The following OTOP1 variants were observed in gnomAD, a reference collection of about 807,000 sequenced individuals.
OTOP1 encodes the protein proton channel OTOP1.
OTOP1 carries 59 observed loss-of-function variants against 52.9 expected under a neutral mutation model. The ratio of observed to expected loss-of-function variants is 1.12; its 90% CI spans 0.91 to 1.39. The LOEUF is 1.39. Among genes scored for constraint, OTOP1 ranks in the 40% most tolerant of loss-of-function variants. The pLI is 0.00. For missense variants in OTOP1, 761 were observed against 800.9 expected (o/e 0.95, Z 0.60); for synonymous variants, 317 against 337.7 (o/e 0.94, Z 0.67).
At chr4:4,200,576 T>C (rs1716761757) in intron 4 of OTOP1, among the ~76,000 whole-genome samples, 1 of 151,394 alleles carries the variant, frequency 6.6e-6, no homozygotes, top group South Asian at 2.1e-4. Flanking sequence ...CTTTTTTATA[T>C]AGGGTCTCCC....
intron 4 of OTOP1, among the ~76,000 whole-genome samples, chr4:4,202,110 A>G (rs1314629535): frequency 6.6e-6 from 1 of 152,184 alleles, no homozygotes; most frequent in Non-Finnish European, 1.5e-5. Context: ...AATTAAAAAC[A>G]CAAGCAGAGG....
At chr4:4,211,284 A>T (rs1359894958) in intron 2 of OTOP1, among the ~76,000 whole-genome samples, 1 of 152,248 alleles carries the variant, frequency 6.6e-6, no homozygotes, top group Non-Finnish European at 1.5e-5. Context: ...AACTTTCCAA[A>T]GAACCTTCTC....
intron 5 of OTOP1, among the ~76,000 whole-genome samples, chr4:4,194,254 T>C (rs759167542): frequency 3.9e-5 from 6 of 152,222 alleles, no homozygotes; most frequent in Non-Finnish European, 8.8e-5. Context: ...AGGAAGATTC[T>C]AGAACTAGCT....
intron 2 of OTOP1, among the ~76,000 whole-genome samples, chr4:4,210,205 ATG>A (rs1716994141): frequency 6.6e-6 from 1 of 152,166 alleles, no homozygotes; most frequent in Non-Finnish European, 1.5e-5. Context: ...AGAAAAATGA[ATG>A]AATGAACGAA....
At chr4:4,210,026 C>T (rs1716990100) in intron 2 of OTOP1, among the ~76,000 whole-genome samples, 1 of 152,186 alleles carries the variant, frequency 6.6e-6, no homozygotes, top group South Asian at 2.1e-4. Flanking sequence ...CTTTGTGCTG[C>T]CTCATTGCTC....
chr4:4,191,801 C>T (rs1577173476), intron 5 of OTOP1, among the ~76,000 whole-genome samples: 1 of 152,160 alleles, frequency 6.6e-6, no homozygotes, highest in South Asian at 2.1e-4. Flanking sequence ...TTTGTAAGCC[C>T]CATAAGAGGA....
chr4:4,226,843 G>C lies in OTOP1; in HGVS notation c.22C>G (p.Pro8Ala). ...CTTGCAGCTGCCCGGGGCGAGGCGG[G>C]CGACCCCAGGCCCTCGAGCATCTTC... MLEGLGS[P>A]ASPRAAASAS... The change falls in exon 1 of 6, where the codon CCC (proline) becomes GCC (alanine). Residue 8 changes from proline (P) to alanine (A), a missense_variant. Transcript: ENST00000296358. 2 of 1,343,834 alleles carry C rather than the reference G, an allele frequency of 1.5e-6. No individual in the cohort carries two copies. Among genetic ancestry groups the C allele is most frequent in the Non-Finnish European group, 1.9e-6 (2 of 1,053,182 alleles). The allele number at this position is 1,343,834 out of a possible 1,614,324, so 83.2% of individuals were successfully genotyped here. A position where few individuals can be genotyped will look rare whatever the true frequency, so the allele number is the denominator to read the frequency against.
intron 4 of OTOP1, among the ~76,000 whole-genome samples, chr4:4,200,941 G>A (rs1228306827): frequency 1.3e-5 from 2 of 152,104 alleles, no homozygotes; most frequent in Non-Finnish European, 2.9e-5. Context: ...AAAGCAGGAG[G>A]AAAAGTTCAG....
intron 5 of OTOP1, 52 bp from the exon 6 acceptor site, chr4:4,189,025 A>G (rs1716431341): frequency 6.4e-7 from 1 of 1,556,184 alleles, no homozygotes. Context: ...CCAAGCCACC[A>G]CGGAGGCCCC....
intron 2 of OTOP1, among the ~76,000 whole-genome samples, chr4:4,208,763 T>C (rs1308452582): frequency 7.2e-6 from 1 of 139,612 alleles, no homozygotes; most frequent in South Asian, 2.5e-4. Context: ...ATGGTAAGTG[T>C]TATGTGATTG....
chr4:4,215,263 C>A (rs116743210), intron 1 of OTOP1, among the ~76,000 whole-genome samples: 3,641 of 152,308 alleles, frequency 0.024, 158 homozygotes, highest in African/African-American at 0.083. Flanking sequence ...GTCCAATCAA[C>A]AGAAGGCTTC....
At chr4:4,216,292 T>C (rs895254691) in intron 1 of OTOP1, among the ~76,000 whole-genome samples, 36 of 152,142 alleles carry the variant, frequency 2.4e-4, no homozygotes, top group African/African-American at 8.7e-4. Flanking sequence ...ACAAAATACA[T>C]TAAAAAGACA....
In OTOP1 at chr4:4,197,917, A is replaced by T; in HGVS notation, c.917T>A (p.Phe306Tyr). The change falls in exon 5 of 6, where the codon TTC (phenylalanine) becomes TAC (tyrosine). Residue 306 changes from phenylalanine (F) to tyrosine (Y), a missense_variant. Coordinates refer to ENST00000296358, the MANE Select transcript of OTOP1 (RefSeq NM_177998.3). Reference sequence around the variant, plus strand: ...GCCCACCATGACCCCATCAGACTTGAACTGCATCTTCTGGTGCTGATGGCT... The same window carrying T: ...GCCCACCATGACCCCATCAGACTTGTACTGCATCTTCTGGTGCTGATGGCT... ...VDSHQHQKMQ[F>Y]KSDGVMVGAV... 6.2e-7 allele frequency: 1 copy of T among 1,613,998 alleles called. No homozygotes were observed. Among genetic ancestry groups the T allele is most frequent in the Non-Finnish European group, 8.5e-7 (1 of 1,180,006 alleles).
At chr4:4,219,988 T>A (rs1336587333) in intron 1 of OTOP1, among the ~76,000 whole-genome samples, 2 of 100,446 alleles carry the variant, frequency 2.0e-5, no homozygotes, top group African/African-American at 4.6e-5. Flanking sequence ...TATATACGTA[T>A]ATAGGTGTAT....
At chr4:4,204,239 G>C in intron 3 of OTOP1, among the ~76,000 whole-genome samples, 1 of 152,078 alleles carries the variant, frequency 6.6e-6, no homozygotes, top group East Asian at 1.9e-4. Context: ...AGAATCCCAG[G>C]GTGTCTGAGT....
rs190722277 is a variant in OTOP1, at chr4:4,220,992, G to T, written c.403+5470C>A. 9.6e-4 allele frequency among the ~76,000 whole-genome samples: 145 copies of T among 151,820 alleles called. 1 individual carries two copies. Among genetic ancestry groups the T allele is most frequent in the African/African-American group, 3.3e-3 (137 of 41,370 alleles). On this transcript the variant is annotated intron_variant, in intron 1 of 5. Transcript: ENST00000296358. ...TAGGAGGCTCAATATCTCTCAAAGC[G>T]TACCCTACCATCACCAGCTGGTACT... is the stretch of plus-strand genomic sequence containing the variant.
rs771032208 is a variant in OTOP1, at chr4:4,198,002, G to A, written c.832C>T (p.Gln278Ter). The A allele has an allele frequency of 6.2e-7, 1 of 1,614,092 alleles. No homozygotes were observed. The highest frequency in any genetic ancestry group is 2.2e-5 in the East Asian group (1 of 44,884). The change falls in exon 5 of 6, where the codon CAG (glutamine) becomes TAG (stop). Residue 278 changes from glutamine to a stop codon, truncating the protein, a stop_gained. Transcript: ENST00000296358. LOFTEE classifies it high-confidence loss of function. ...YYLYPFNIEY[Q>*]ILASTMLYVL... ...TAGAGCATTGTGGAGGCCAGGATCT[G>A]ATACTCTATGTTGAAGGGGTAGAGG...
intron 3 of OTOP1, among the ~76,000 whole-genome samples, chr4:4,205,560 T>C (rs1223024304): frequency 6.6e-6 from 1 of 152,196 alleles, no homozygotes; most frequent in Non-Finnish European, 1.5e-5. Flanking sequence ...TTTGTCTTTA[T>C]AGGATTTATG....
At position 4,193,232 on chromosome 4, in the gene OTOP1, T is replaced by A. The variant is rs942237942; in HGVS notation, c.1668+3934A>T. ...TGAGCCCTGCCTTGCCTTGCATCCA[T>A]CCCTTCCCCACACCTGCAGCTCTGC... On this transcript the variant is annotated intron_variant, in intron 5 of 5. Transcript: ENST00000296358. Among the ~76,000 whole-genome samples the A allele has an allele frequency of 5.3e-4, 80 of 152,034 alleles. 1 individual carries two copies. The highest frequency in any genetic ancestry group is 7.4e-5 in the Non-Finnish European group (5 of 67,968).
Sources: gnomAD v4.1 joint callset for allele counts (sites outside exome capture counted in the v4.1 genomes callset) on GRCh38, gnomAD v4.1.1 for gene constraint, MANE v1.5 for transcripts, NCBI Gene and HGNC (gene_info 2026-07-23, HGNC 2026-07-21) for gene names.